The following GRAMD4 variants were observed in gnomAD, a reference collection of about 807,000 sequenced individuals.
GRAMD4 encodes GRAM domain-containing protein 4.
Under a neutral mutation model 83.9 loss-of-function variants are expected in GRAMD4, and 25 were observed. The ratio of observed to expected loss-of-function variants is 0.30; its 90% CI spans 0.22 to 0.42. The LOEUF is 0.42. Among genes scored for constraint, GRAMD4 ranks in the 10% least tolerant of loss-of-function variants. The pLI is 1.00. For missense variants in GRAMD4, 593 were observed against 788.7 expected, an observed-to-expected ratio of 0.75 and a Z score of 2.97; for synonymous variants, 336 against 320.9, an observed-to-expected ratio of 1.05 and a Z score of -0.50.
At chr22:46,655,266 G>A (rs187896101) in intron 3 of GRAMD4, among the ~76,000 whole-genome samples, 91 of 152,210 alleles carry the variant, frequency 6.0e-4, no homozygotes, top group African/African-American at 2.1e-3. Flanking sequence ...TGCTGAGGCT[G>A]GGAGTGGGTG....
chr22:46,658,086 C>A lies in GRAMD4; in HGVS notation c.284-101C>A, dbSNP rs887730086. ...CTCAGGTCCGCTTACGGAGCAGAGA[C>A]CCCTCTGCTGTTTCTGAGTCAGGCA... On this transcript the variant is annotated intron_variant, in intron 3 of 18. Transcript: ENST00000406902. 1.3e-4 allele frequency: 186 copies of A among 1,394,744 alleles called. No homozygotes were observed. In the Middle Eastern group the frequency reaches 2.5e-3, roughly 19 times the overall value. The allele number at this position is 1,394,744 out of a possible 1,614,324, so 86.4% of individuals were successfully genotyped here. A position where few individuals can be genotyped will look rare whatever the true frequency, so the allele number is the denominator to read the frequency against.
intron 5 of GRAMD4, among the ~76,000 whole-genome samples, chr22:46,662,405 T>C (rs970242274): frequency 6.6e-6 from 1 of 152,230 alleles, no homozygotes; most frequent in Non-Finnish European, 1.5e-5. Flanking sequence ...GGGACTGGCT[T>C]GCACCCCTGA....
chr22:46,680,407 A>G (rs983598429), downstream of GRAMD4, among the ~76,000 whole-genome samples: 2 of 151,906 alleles, frequency 1.3e-5, no homozygotes, highest in African/African-American at 4.8e-5. Flanking sequence ...CCCAGGTTAC[A>G]CAGCAAGGGA....
chr22:46,674,867 T>C, intron 16 of GRAMD4, 117 bp downstream of exon 16: 1 of 733,386 alleles, frequency 1.4e-6, no homozygotes, highest in South Asian at 1.5e-5. Flanking sequence ...GGCCATGGCC[T>C]CTCCCATGCT....
rs144267069 is a variant in GRAMD4 at position 46,620,729 on chromosome 22, G to A, written c.-50+164G>A. On this transcript the variant is annotated intron_variant, in intron 1 of 18. Transcript: ENST00000406902. The surrounding 1 kb of genome is among the most constrained non-coding windows in gnomAD (Gnocchi z 4.7). ...AAGGCAGGCTCCCTCCCAAGGCCGG[G>A]TGCAGGCCAGACCCCACCGGTAAAG... 3.4e-3 allele frequency among the ~76,000 whole-genome samples: 514 copies of A among 152,246 alleles called. 2 individuals are homozygous for A. The highest frequency in any genetic ancestry group is 0.012 in the African/African-American group (481 of 41,550).
rs147965854 is a variant in GRAMD4, at chr22:46,673,813, G to C, written c.1383G>C (p.Ala461=). ...TGACAGAAAACGAGCGTCCGCTGGC[G>C]GGTATGTGTGCCGTGAGTCTGAGGC... ...FNLTENERPL[A]VCENGWRCCL... is the part of the protein sequence containing the mutation. The change falls in exon 15 of 19, where the codon GCG becomes GCC. Residue 461 remains alanine (A), a splice_region_variant and synonymous_variant. Transcript: ENST00000406902. The C allele has an allele frequency of 1.2e-6, 2 of 1,612,818 alleles. No homozygotes were observed. Among genetic ancestry groups the C allele is most frequent in the Non-Finnish European group, 1.7e-6 (2 of 1,179,926 alleles).
intron 9 of GRAMD4, among the ~76,000 whole-genome samples, chr22:46,666,300 C>T (rs574472055): frequency 3.0e-4 from 46 of 152,308 alleles, no homozygotes; most frequent in African/African-American, 7.5e-4. Context: ...TCTTAGCCTG[C>T]GGTTACCCCT....
At chr22:46,640,696 A>C (rs2081961986) in intron 3 of GRAMD4, among the ~76,000 whole-genome samples, 2 of 152,098 alleles carry the variant, frequency 1.3e-5, no homozygotes, top group African/African-American at 4.8e-5. Context: ...CCAGAAATGG[A>C]GCAAAGAGTG....
In GRAMD4 at chr22:46,665,717, C is replaced by T. The variant is rs777731580; in HGVS notation, c.809+11C>T. 18 of 1,435,288 alleles carry T rather than the reference C, an allele frequency of 1.3e-5. No individual in the cohort carries two copies. The highest frequency in any genetic ancestry group is 1.0e-4 in the South Asian group (9 of 87,300). The allele number at this position is 1,435,288 out of a possible 1,614,324, so 88.9% of individuals were successfully genotyped here. A position where few individuals can be genotyped will look rare whatever the true frequency, so the allele number is the denominator to read the frequency against. ...TTACCTCATCGCCAGGTAGGTGAGC[C>T]GGTTTGTTGCAGCTGCTTTATCCCA... On this transcript the variant is annotated intron_variant, in intron 9 of 18. Coordinates refer to ENST00000406902, the MANE Select transcript of GRAMD4 (RefSeq NM_015124.5).
upstream of GRAMD4, among the ~76,000 whole-genome samples, chr22:46,576,546 C>G (rs1430525933): frequency 1.3e-5 from 2 of 152,214 alleles, no homozygotes; most frequent in Non-Finnish European, 2.9e-5. Flanking sequence ...AGACAGCACC[C>G]CGGGCACCTT....
In GRAMD4 at chr22:46,614,957, T is replaced by G. The variant is rs545733407; in HGVS notation, c.-49-11794T>G. 1.2e-4 allele frequency among the ~76,000 whole-genome samples: 17 copies of G among 146,996 alleles called. No homozygotes were observed. The East Asian group carries it at 3.5e-3, about 30-fold the overall frequency. On this transcript the variant is annotated intron_variant, in intron 1 of 1. Transcript: ENST00000431155. ...TGTAGGTTCCCCTGTGCATGTAGGTTCCCCCGTGTGTAGGTTCCCTTGTGC... is the reference window on the plus strand; with the variant it reads ...TGTAGGTTCCCCTGTGCATGTAGGTGCCCCCGTGTGTAGGTTCCCTTGTGC...
At chr22:46,647,716 C>T (rs1474533232) in intron 3 of GRAMD4, among the ~76,000 whole-genome samples, 3 of 152,266 alleles carry the variant, frequency 2.0e-5, no homozygotes, top group Non-Finnish European at 2.9e-5. Flanking sequence ...CACTGCGTCC[C>T]GCCCTGCTGA....
rs147561076 is a variant in GRAMD4, at chr22:46,664,117, C to T, written c.717C>T (p.Thr239=). 81 of 1,605,028 alleles carry T rather than the reference C, an allele frequency of 5.0e-5. No homozygotes were observed. The highest frequency in any genetic ancestry group is 1.3e-4 in the African/African-American group (10 of 74,764). The stretch of plus-strand genomic sequence containing the variant: ...TCTACACGTCTGCCATTGCCTTCAC[C>T]GTGAGTGGGTCCTCCAGGGGCCGAG... ...YSVYTSAIAF[T]VYMNAVWHGW... Residue 239 remains threonine, a splice_region_variant and synonymous_variant, in exon 8 of 19, where the codon ACC becomes ACT. Coordinates refer to ENST00000406902, the MANE Select transcript of GRAMD4 (RefSeq NM_015124.5).
chr22:46,593,352 C>T (rs2081228919), intron 1 of GRAMD4, among the ~76,000 whole-genome samples: 1 of 152,068 alleles, frequency 6.6e-6, no homozygotes, highest in African/African-American at 2.4e-5. Flanking sequence ...GAGACATCCC[C>T]ATTTCTGCAG....
chr22:46,630,864 G>T (rs2081761211), intron 2 of GRAMD4, among the ~76,000 whole-genome samples: 1 of 88,808 alleles, frequency 1.1e-5, no homozygotes, highest in Admixed American at 1.5e-4. Context: ...GCCCTCCATA[G>T]CCCCCCGAGG....
At chr22:46,612,813 T>C (rs138505) in intron 1 of GRAMD4, among the ~76,000 whole-genome samples, 121,061 of 152,042 alleles carry the variant, frequency 0.8, 48,906 homozygotes, top group East Asian at 1. Flanking sequence ...GGCCAGTGGG[T>C]GGCCGAAGGC....
intron 1 of GRAMD4, among the ~76,000 whole-genome samples, chr22:46,605,894 G>C (rs549397289): frequency 6.6e-6 from 1 of 151,554 alleles, no homozygotes; most frequent in South Asian, 2.1e-4. Flanking sequence ...GCTTATGGCC[G>C]GTGCTGAGCA....
chr22:46,601,377 G>A (rs1220586341), intron 1 of GRAMD4, among the ~76,000 whole-genome samples: 1 of 152,130 alleles, frequency 6.6e-6, no homozygotes, highest in Middle Eastern at 3.2e-3. Flanking sequence ...AATCCCCAGG[G>A]TCCCTGGGCC....
intron 1 of GRAMD4, among the ~76,000 whole-genome samples, chr22:46,607,274 A>T (rs573182683): frequency 6.6e-6 from 1 of 152,192 alleles, no homozygotes; most frequent in African/African-American, 2.4e-5. Context: ...CAGCAAACCA[A>T]CATGGCACGT....
Sources: gnomAD v4.1 joint callset for allele counts (sites outside exome capture counted in the v4.1 genomes callset) on GRCh38, gnomAD v4.1.1 for gene constraint, Gnocchi (gnomAD v3.1) non-coding constraint, MANE v1.5 for transcripts, NCBI Gene and HGNC (gene_info 2026-07-23, HGNC 2026-07-21) for gene names.